UGT1A8: variants seen among roughly 807,000 people sequenced by gnomAD.
The protein encoded by UGT1A8 is UDP glucuronosyltransferase family 1 member A8, also known as UDP-glucuronosyltransferase 1A8.
In UGT1A8, 39 loss-of-function variants were observed where a neutral mutation model predicts 45.3. The ratio of observed to expected loss-of-function variants is 0.86; its 90% CI spans 0.67 to 1.12. The LOEUF (loss-of-function observed/expected upper bound fraction) is 1.12, where lower values mean the gene tolerates loss of function less well. UGT1A8 is among the 50% of genes most tolerant of loss of function. The pLI is 0.00. For synonymous variants in UGT1A8, 275 were observed against 249.2 expected (o/e 1.10, Z -0.97); for missense variants, 719 against 664.9 (o/e 1.08, Z -0.90).
chr2:233,702,748 T>C (rs1467239374), intron 1 of UGT1A8, among the ~76,000 whole-genome samples: 1 of 152,228 alleles, frequency 6.6e-6, no homozygotes, highest in African/African-American at 2.4e-5. Context: ...GGTCCCCTAT[T>C]CTAGTGATAT....
chr2:233,618,093 A>G lies in UGT1A8; in HGVS notation c.386A>G (p.Asn129Ser). 6.2e-7 allele frequency: 1 copy of G among 1,614,116 alleles called. No homozygotes were observed. The highest frequency in any genetic ancestry group is 8.5e-7 in the Non-Finnish European group (1 of 1,180,016). Reference protein sequence around the residue: ...LFFSHCRSLFNDRKLVEYLKE... With the variant: ...LFFSHCRSLFSDRKLVEYLKE... Reference sequence around the variant, plus strand: ...TTTTCGCATTGCAGGAGTTTGTTTAATGACCGAAAATTAGTAGAATACTTA... The same window carrying G: ...TTTTCGCATTGCAGGAGTTTGTTTAGTGACCGAAAATTAGTAGAATACTTA... The change falls in exon 1 of 5, where the codon AAT becomes AGT. Residue 129 changes from asparagine (N) to serine (S), a missense_variant. Physicochemically the swap from Asn to Ser is conservative, Grantham distance 46. Coordinates refer to ENST00000373450, the MANE Select transcript of UGT1A8 (RefSeq NM_019076.5).
chr2:233,748,324 T>A (rs1693918932), intron 1 of UGT1A8, among the ~76,000 whole-genome samples: 2 of 151,746 alleles, frequency 1.3e-5, no homozygotes, highest in South Asian at 4.1e-4. Flanking sequence ...AGGACTGATG[T>A]GACTCATGGA....
At chr2:233,732,755 GT>G (rs956485327) in intron 1 of UGT1A8, among the ~76,000 whole-genome samples, 12,936 of 120,072 alleles carry the variant, frequency 0.11, 575 homozygotes, top group East Asian at 0.2. Context: ...CACCAGCTTT[GT>G]TTTTTTTTTT....
intron 1 of UGT1A8, among the ~76,000 whole-genome samples, chr2:233,746,557 T>G (rs1301694420): frequency 6.6e-6 from 1 of 151,810 alleles, no homozygotes; most frequent in Non-Finnish European, 1.5e-5. Flanking sequence ...TCTTAGCCCC[T>G]AGAGCACCAC....
chr2:233,693,399 A>T, intron 1 of UGT1A8: 2 of 1,614,156 alleles, frequency 1.2e-6, no homozygotes, highest in South Asian at 1.1e-5. Context: ...CTCCTGCAGG[A>T]CAGGGACACC....
At position 233,642,448 on chromosome 2, in the gene UGT1A8, C is replaced by T. The variant is rs528683431; in HGVS notation, c.855+23886C>T. Among the ~76,000 whole-genome samples, 4 of 152,234 alleles carry T rather than the reference C, an allele frequency of 2.6e-5. No individual in the cohort carries two copies. The East Asian group carries it at 5.8e-4, about 22-fold the overall frequency. ...GTTATTTGGAATTTCTTTGAGTTTCCTCAACACAGCTATTTTGAATTCTCT... is the reference window on the plus strand; with the variant it reads ...GTTATTTGGAATTTCTTTGAGTTTCTTCAACACAGCTATTTTGAATTCTCT... On this transcript the variant is annotated intron_variant, in intron 1 of 4. Coordinates refer to ENST00000373450, the MANE Select transcript of UGT1A8 (RefSeq NM_019076.5).
chr2:233,629,412 C>A (rs1310927133), intron 1 of UGT1A8, among the ~76,000 whole-genome samples: 1 of 152,072 alleles, frequency 6.6e-6, no homozygotes, highest in Non-Finnish European at 1.5e-5. Flanking sequence ...GGTGGCACAA[C>A]CTTGATTAAT....
At chr2:233,661,623 T>TTTTCTTTCTTTCTTTCCTTC (rs2073966015) in intron 1 of UGT1A8, among the ~76,000 whole-genome samples, 2 of 123,952 alleles carry the variant, frequency 1.6e-5, no homozygotes, top group African/African-American at 3.2e-5. Context: ...ACTTACTGAA[T>TTTTCTTTCTTTCTTTCCTTC]TTTCTTTCTT....
At chr2:233,654,886 G>A (rs1046910876) in intron 1 of UGT1A8, among the ~76,000 whole-genome samples, 1 of 152,202 alleles carries the variant, frequency 6.6e-6, no homozygotes, top group African/African-American at 2.4e-5. Context: ...GAGGTCAGGA[G>A]TTCGAGATCA....
chr2:233,618,435 A>G lies in UGT1A8; in HGVS notation c.728A>G (p.Asp243Gly). The stretch of plus-strand genomic sequence containing the variant: ...CTCCAAACACCTGTCACAGCATATG[A>G]TCTCTACAGCCACACATCAATTTGG... ...EILQTPVTAYDLYSHTSIWLL... is the reference protein window; with the variant it reads ...EILQTPVTAYGLYSHTSIWLL... The change falls in exon 1 of 5, where the codon GAT (aspartate) becomes GGT (glycine). Residue 243 changes from aspartate to glycine, a missense_variant. Physicochemically the swap from Asp to Gly is moderately conservative, Grantham distance 94 (BLOSUM62 -1). Coordinates refer to ENST00000373450, the MANE Select transcript of UGT1A8 (RefSeq NM_019076.5). 1 of 1,613,868 alleles carries G rather than the reference A, an allele frequency of 6.2e-7. No individual in the cohort carries two copies. Among genetic ancestry groups the G allele is most frequent in the Non-Finnish European group, 8.5e-7 (1 of 1,179,810 alleles).
At position 233,617,939 on chromosome 2, in the gene UGT1A8, T is replaced by G; in HGVS notation, c.232T>G (p.Ser78Ala). Reference protein sequence around the residue: ...KSLNCTVKTYSTSYTLEDLDR... With the variant: ...KSLNCTVKTYATSYTLEDLDR... Reference sequence around the variant, plus strand: ...ACTGAATTGCACAGTGAAGACTTACTCAACCTCATACACTCTGGAGGATCT... The same window carrying G: ...ACTGAATTGCACAGTGAAGACTTACGCAACCTCATACACTCTGGAGGATCT... Residue 78 changes from serine to alanine, a missense_variant, in exon 1 of 5, where the codon TCA becomes GCA. Physicochemically the swap from Ser to Ala is moderately conservative, Grantham distance 99. Transcript: ENST00000373450. The G allele has an allele frequency of 1.2e-6, 2 of 1,614,188 alleles. No individual in the cohort carries two copies. Among genetic ancestry groups the G allele is most frequent in the Non-Finnish European group, 1.7e-6 (2 of 1,180,028 alleles).
At chr2:233,764,272 G>A (rs1014540651) in intron 1 of UGT1A8, among the ~76,000 whole-genome samples, 1 of 152,062 alleles carries the variant, frequency 6.6e-6, no homozygotes, top group African/African-American at 2.4e-5. Context: ...TTCACTCTTT[G>A]GTCATTCCGG....
chr2:233,644,998 T>G (rs1049968531), intron 1 of UGT1A8, among the ~76,000 whole-genome samples: 1 of 152,160 alleles, frequency 6.6e-6, no homozygotes, highest in African/African-American at 2.4e-5. Context: ...ATTGAGAAGC[T>G]GAATTAGAGA....
intron 1 of UGT1A8, among the ~76,000 whole-genome samples, chr2:233,718,242 C>T (rs2076642509): frequency 6.6e-6 from 1 of 152,148 alleles, no homozygotes; most frequent in Non-Finnish European, 1.5e-5. Flanking sequence ...CCTCTTTGAG[C>T]TTTACAAGAA....
In UGT1A8 at chr2:233,642,259, G is replaced by A. The variant is rs543537089; in HGVS notation, c.855+23697G>A. Among the ~76,000 whole-genome samples, 103 of 152,212 alleles carry A rather than the reference G, an allele frequency of 6.8e-4. 2 individuals carry two copies. In the Middle Eastern group the frequency reaches 0.02, roughly 30 times the overall value. On this transcript the variant is annotated intron_variant, in intron 1 of 4. Transcript: ENST00000373450. ...TTCAAATGGCCTGTCTTCAAGCTCA[G>A]TAATTATTTCTTGTGTTTGGTCCAT...
At chr2:233,688,607 C>T (rs970672197) in intron 1 of UGT1A8, among the ~76,000 whole-genome samples, 1 of 152,040 alleles carries the variant, frequency 6.6e-6, no homozygotes, top group Non-Finnish European at 1.5e-5. Flanking sequence ...AGAATAACAC[C>T]CTCAGCAAAC....
intron 1 of UGT1A8, among the ~76,000 whole-genome samples, chr2:233,707,976 C>T (rs189424052): frequency 1.3e-5 from 2 of 152,244 alleles, no homozygotes; most frequent in Non-Finnish European, 2.9e-5. Flanking sequence ...GTCTATTGCC[C>T]ACTGGGTTGT....
intron 1 of UGT1A8, among the ~76,000 whole-genome samples, chr2:233,749,028 G>T (rs564218690): frequency 1.3e-5 from 2 of 151,722 alleles, no homozygotes; most frequent in South Asian, 4.2e-4. Context: ...AATATTTGGG[G>T]TTCATTGATG....
chr2:233,729,197 C>A, intron 1 of UGT1A8: 1 of 1,614,002 alleles, frequency 6.2e-7, no homozygotes, highest in Non-Finnish European at 8.5e-7. Context: ...AGTGTCCAGC[C>A]CTGGGCTGAG....
Sources: allele counts gnomAD v4.1 joint callset (sites outside exome capture counted in the v4.1 genomes callset), GRCh38; gene constraint gnomAD v4.1.1; transcripts MANE v1.5; gene names NCBI Gene and HGNC (gene_info 2026-07-23, HGNC 2026-07-21).